SMAD3: variants seen among roughly 807,000 people sequenced by gnomAD.
The protein encoded by SMAD3 is SMAD family member 3.
A neutral mutation model predicts 51.8 loss-of-function variants in SMAD3; 12 were observed. The observed-to-expected ratio is 0.23, with a 90% CI of 0.15 to 0.38. The LOEUF is 0.38. Ranked by LOEUF, SMAD3 falls within the 10% of genes least tolerant of loss-of-function variation. The pLI, the probability that SMAD3 is intolerant of heterozygous loss-of-function variation, is 1.00. For synonymous variants in SMAD3, 238 were observed against 227.7 expected (o/e 1.05, Z -0.41); for missense variants, 294 against 565.6 (o/e 0.52, Z 4.87).
chr15:67,092,729 C>G (rs1391718611), intron 1 of SMAD3, among the ~76,000 whole-genome samples: 1 of 152,102 alleles, frequency 6.6e-6, no homozygotes, highest in Non-Finnish European at 1.5e-5. Context: ...AGGGCTGTGC[C>G]CCTTTAGGCC....
chr15:67,079,869 G>C (rs1469066290), intron 1 of SMAD3, among the ~76,000 whole-genome samples: 1 of 152,144 alleles, frequency 6.6e-6, no homozygotes, highest in African/African-American at 2.4e-5. Context: ...TTCTCATTTG[G>C]TAAATGACAG....
At chr15:67,123,327 G>A (rs1169146752) in intron 1 of SMAD3, among the ~76,000 whole-genome samples, 4 of 151,778 alleles carry the variant, frequency 2.6e-5, no homozygotes, top group Admixed American at 6.6e-5. Flanking sequence ...GTGAAATTCC[G>A]TTTCTACTGA....
chr15:67,141,030 C>G (rs1049714663), intron 1 of SMAD3, among the ~76,000 whole-genome samples: 4 of 152,184 alleles, frequency 2.6e-5, no homozygotes, highest in Non-Finnish European at 2.9e-5. Context: ...TAAAAACGCT[C>G]TGCAGGCCAA....
At chr15:67,174,152 G>A (rs1258027853) in intron 5 of SMAD3, among the ~76,000 whole-genome samples, 1 of 152,192 alleles carries the variant, frequency 6.6e-6, no homozygotes, top group African/African-American at 2.4e-5. Context: ...CCCCACTCAG[G>A]AGGGACTCAC....
chr15:67,097,868 C>G (rs1329143478), intron 1 of SMAD3, among the ~76,000 whole-genome samples: 1 of 152,080 alleles, frequency 6.6e-6, no homozygotes, highest in East Asian at 1.9e-4. Flanking sequence ...TTCTAGGGAG[C>G]CTCTGCCTCA....
At position 67,193,242 on chromosome 15, in the gene SMAD3, T is replaced by C. The variant is rs1420921923; in HGVS notation, c.*2706T>C. 6 of 233,320 alleles carry C rather than the reference T, an allele frequency of 2.6e-5. No homozygotes were observed. The highest frequency in any genetic ancestry group is 2.2e-4 in the Admixed American group (4 of 17,782). The allele number at this position is 233,320 out of a possible 1,614,324, so 14.5% of individuals were successfully genotyped here. The stretch of plus-strand genomic sequence containing the variant: ...GCAGTTCTAGAGGAGTGCTGGTGAC[T>C]GGATAGCAGTTTTAAGTGGCGTTCA... On this transcript the variant is annotated 3_prime_UTR_variant, in exon 9 of 9. Coordinates refer to ENST00000327367, the MANE Select transcript of SMAD3 (RefSeq NM_005902.4).
At chr15:67,091,491 C>T (rs1406703971) in intron 1 of SMAD3, among the ~76,000 whole-genome samples, 1 of 152,220 alleles carries the variant, frequency 6.6e-6, no homozygotes, top group Non-Finnish European at 1.5e-5. Flanking sequence ...ACCGTTGTAT[C>T]ATTGTGGCTG....
intron 6 of SMAD3, among the ~76,000 whole-genome samples, chr15:67,182,999 AAATATATATAT>A (rs1409270575): frequency 2.0e-5 from 1 of 50,236 alleles, no homozygotes; most frequent in East Asian, 7.7e-4. Flanking sequence ...AAAAAAAAAA[AAATATATATAT>A]ATATATATAT....
At chr15:67,130,347 G>C (rs562212193) in intron 1 of SMAD3, among the ~76,000 whole-genome samples, 1 of 152,306 alleles carries the variant, frequency 6.6e-6, no homozygotes, top group East Asian at 1.9e-4. Context: ...CCAACCCCGG[G>C]GCCGTGGACT....
At chr15:67,101,110 T>G (rs1960745416) in intron 1 of SMAD3, among the ~76,000 whole-genome samples, 1 of 152,206 alleles carries the variant, frequency 6.6e-6, no homozygotes, top group Non-Finnish European at 1.5e-5. Context: ...TGTGTCCTTG[T>G]GGATGTGTCT....
chr15:67,109,414 G>A (rs1306240729), intron 1 of SMAD3, among the ~76,000 whole-genome samples: 1 of 152,090 alleles, frequency 6.6e-6, no homozygotes, highest in Admixed American at 6.5e-5. Context: ...AGTGGACCTC[G>A]TGGCCTGAGA....
chr15:67,113,095 T>TATATATATATATATATATA (rs57818600), intron 1 of SMAD3, among the ~76,000 whole-genome samples: 14 of 91,090 alleles, frequency 1.5e-4, no homozygotes, highest in South Asian at 4.2e-4. Context: ...TATATATATA[T>TATATATATATATATATATA]TTTTTTGAGA....
intron 1 of SMAD3, among the ~76,000 whole-genome samples, chr15:67,117,061 A>G (rs1961151357): frequency 6.6e-6 from 1 of 152,108 alleles, no homozygotes; most frequent in Admixed American, 6.5e-5. Context: ...TGAAACACAC[A>G]CTGAAAAGGG....
At chr15:67,131,962 A>G (rs987428075) in intron 1 of SMAD3, among the ~76,000 whole-genome samples, 4 of 152,078 alleles carry the variant, frequency 2.6e-5, no homozygotes, top group African/African-American at 4.8e-5. Context: ...TGTTCCTCCA[A>G]TCTCCCCCTT....
At chr15:67,125,900 GTTCCCACAGGATGCGACA>G in intron 1 of SMAD3, 1 of 985,470 alleles carries the variant, frequency 1.0e-6, no homozygotes, top group Non-Finnish European at 1.2e-6. Context: ...CACACGCTGG[GTTCCCACAGGATGCGACA>G]TTCCCACAGG....
At chr15:67,099,261 A>G (rs753880857) in intron 1 of SMAD3, among the ~76,000 whole-genome samples, 5 of 152,222 alleles carry the variant, frequency 3.3e-5, no homozygotes, top group Non-Finnish European at 5.9e-5. Flanking sequence ...CATGTCTTGT[A>G]AGCATCACTG....
In SMAD3 at chr15:67,083,729, A is replaced by G. The variant is rs181390551; in HGVS notation, c.206+17369A>G. On this transcript the variant is annotated intron_variant, in intron 1 of 8. Coordinates refer to ENST00000327367, the MANE Select transcript of SMAD3 (RefSeq NM_005902.4). ...GCTGCTCTCTGGACAATACCTGAAC[A>G]TCCCTACAATATCTGAAATTGAATG... Among the ~76,000 whole-genome samples, 617 of 152,314 alleles carry G rather than the reference A, an allele frequency of 4.1e-3. 7 individuals are homozygous for G. The highest frequency in any genetic ancestry group is 0.014 in the African/African-American group (589 of 41,578).
chr15:67,159,201 G>C (rs1048835609), intron 1 of SMAD3, among the ~76,000 whole-genome samples: 2 of 151,926 alleles, frequency 1.3e-5, no homozygotes, highest in African/African-American at 4.8e-5. Flanking sequence ...CTCCCGAGTT[G>C]CTGGGACTAT....
chr15:67,156,154 T>C (rs1962277963), intron 1 of SMAD3, among the ~76,000 whole-genome samples: 1 of 152,126 alleles, frequency 6.6e-6, no homozygotes, highest in African/African-American at 2.4e-5. Flanking sequence ...TGTACCAGTG[T>C]GGGTTCAGGG....
Sources: gnomAD v4.1 joint callset for allele counts (sites outside exome capture counted in the v4.1 genomes callset) on GRCh38, gnomAD v4.1.1 for gene constraint, MANE v1.5 for transcripts, NCBI Gene and HGNC (gene_info 2026-07-23, HGNC 2026-07-21) for gene names.